The following PPP2R2D variants were observed in gnomAD, a reference collection of about 807,000 sequenced individuals.
PPP2R2D encodes protein phosphatase 2 regulatory subunit Bdelta.
In PPP2R2D, 9 loss-of-function variants were observed where a neutral mutation model predicts 31.1. That is an observed-to-expected ratio of 0.29 (90% CI 0.17 to 0.51). The LOEUF (loss-of-function observed/expected upper bound fraction) is 0.51. PPP2R2D is among the 20% of genes least tolerant of loss of function. PPP2R2D has a pLI of 0.98. For synonymous variants in PPP2R2D, 179 were observed against 172.6 expected, an observed-to-expected ratio of 1.04 and a Z score of -0.29; for missense variants, 391 against 465.6, an observed-to-expected ratio of 0.84 and a Z score of 1.48.
In PPP2R2D at chr10:131,901,033, C is replaced by T. The variant is rs1258511324; in HGVS notation, c.-116C>T. On this transcript the variant is annotated 5_prime_UTR_variant, in exon 1 of 9. Transcript: ENST00000455566. ...AAAAATCCCTCCCCGGCGGCGGCGGCGGCGGCGGCGGCGCCGGCGGTGGTG... is the reference window on the plus strand; with the variant it reads ...AAAAATCCCTCCCCGGCGGCGGCGGTGGCGGCGGCGGCGCCGGCGGTGGTG... 4.4e-5 allele frequency: 7 copies of T among 158,590 alleles called. No individual in the cohort carries two copies. Among genetic ancestry groups the T allele is most frequent in the African/African-American group, 7.3e-5 (3 of 40,928 alleles). 9.8% of individuals were successfully genotyped at this position (158,590 alleles called of 1,614,324 possible).
intron 8 of PPP2R2D, among the ~76,000 whole-genome samples, chr10:131,954,393 C>T (rs1482626444): frequency 3.3e-5 from 5 of 152,226 alleles, no homozygotes; most frequent in African/African-American, 7.2e-5. Flanking sequence ...CTTACCCTTT[C>T]GTAAACATTG....
chr10:131,924,285 CT>C (rs1208534612), intron 2 of PPP2R2D, among the ~76,000 whole-genome samples: 1 of 151,994 alleles, frequency 6.6e-6, no homozygotes, highest in Non-Finnish European at 1.5e-5. Flanking sequence ...ACATTTAGGT[CT>C]CTGATCCATG....
At chr10:131,968,215 C>T in the PPP2R2D span, 27 of 204,602 alleles carry the variant, frequency 1.3e-4, no homozygotes, top group African/African-American at 6.0e-4. Context: ...ATACAACACA[C>T]ATCATGACTA....
intron 2 of PPP2R2D, among the ~76,000 whole-genome samples, chr10:131,924,739 T>G (rs1457467556): frequency 5.3e-5 from 8 of 151,992 alleles, no homozygotes; most frequent in African/African-American, 1.9e-4. Context: ...GGTTAATACC[T>G]TGACTATTGT....
chr10:131,915,256 C>T (rs1200051238), intron 2 of PPP2R2D, among the ~76,000 whole-genome samples: 12 of 152,100 alleles, frequency 7.9e-5, no homozygotes, highest in Admixed American at 5.9e-4. Context: ...TCGTGCCTTA[C>T]GTGTACCAGT....
In PPP2R2D at chr10:131,947,562, T is replaced by C; in HGVS notation, c.853T>C (p.Ser285Pro). Residue 285 changes from serine to proline, a missense_variant, in exon 8 of 9, where the codon TCC (serine) becomes CCC (proline). Physicochemically the swap from Ser to Pro is moderately conservative, Grantham distance 74. This residue lies in a region of PPP2R2D where 123 missense variants were observed against 187.7 expected (regional missense o/e 0.66). Coordinates refer to ENST00000455566, the MANE Select transcript of PPP2R2D (RefSeq NM_018461.5). This position sits in a 1 kb window ranked among gnomAD's most constrained non-coding sequence, Gnocchi z 4.3. ...FEEPEDPSSR[S>P]FFSEIISSIS... ...AGAGCCTGAAGATCCCAGCAGTAGG[T>C]CCTTCTTCTCAGAAATAATTTCATC... The C allele has an allele frequency of 2.5e-6, 4 of 1,614,188 alleles. No homozygotes were observed. The highest frequency in any genetic ancestry group is 3.4e-6 in the Non-Finnish European group (4 of 1,180,022).
chr10:131,956,214 C>T lies in PPP2R2D; in HGVS notation c.*251C>T. On this transcript the variant is annotated 3_prime_UTR_variant, in exon 9 of 9. Transcript: ENST00000455566. ...TTGACGGACACTGCTCCCAAAAGGT[C>T]ATTACTCAGAATAAATGTATTTATT... The T allele has an allele frequency of 8.4e-7, 1 of 1,193,110 alleles. No individual in the cohort carries two copies. Among genetic ancestry groups the T allele is most frequent in the Non-Finnish European group, 1.0e-6 (1 of 963,798 alleles). The allele number at this position is 1,193,110 out of a possible 1,614,324, so 73.9% of individuals were successfully genotyped here.
chr10:131,954,707 G>A (rs781985825), intron 8 of PPP2R2D, among the ~76,000 whole-genome samples: 9 of 152,050 alleles, frequency 5.9e-5, no homozygotes, highest in Admixed American at 1.3e-4. Context: ...AGCAGCCAGG[G>A]TCAGTGCTGG....
At chr10:131,917,254 A>G (rs1156792520) in intron 2 of PPP2R2D, among the ~76,000 whole-genome samples, 2 of 138,612 alleles carry the variant, frequency 1.4e-5, no homozygotes, top group African/African-American at 5.5e-5. Flanking sequence ...CAGTGTTTGT[A>G]GGGACCTCAG....
Position 131,958,791 on chromosome 10 carries a change from A to C in PPP2R2D, c.*2828A>C, listed in dbSNP as rs538939828. The C allele has an allele frequency of 1.7e-5, 4 of 232,892 alleles. No individual in the cohort carries two copies. The highest frequency in any genetic ancestry group is 2.7e-5 in the African/African-American group (1 of 37,116). The allele number at this position is 232,892 out of a possible 1,614,324, so 14.4% of individuals were successfully genotyped here. ...CCTGTGGAGATGGAGGTGTGTGCTG[A>C]TCCCCCGTCCCCCTGTGGAGATGGA... On this transcript the variant is annotated 3_prime_UTR_variant, in exon 9 of 9. Transcript: ENST00000455566.
At position 131,958,518 on chromosome 10, in the gene PPP2R2D, G is replaced by A. The variant is rs11146342; in HGVS notation, c.*2555G>A. The stretch of plus-strand genomic sequence containing the variant: ...TGATCCCCCGTCCCCCTGTGGAGAT[G>A]AAGGTGTGTGCTGATCCCCCATCCC... On this transcript the variant is annotated 3_prime_UTR_variant, in exon 9 of 9. Transcript: ENST00000455566. 25,572 of 160,122 alleles carry A rather than the reference G, an allele frequency of 0.16. 467 individuals carry two copies. The highest frequency in any genetic ancestry group is 0.28 in the East Asian group (1,037 of 3,686). The allele number at this position is 160,122 out of a possible 1,614,324, so 9.9% of individuals were successfully genotyped here.
At position 131,958,450 on chromosome 10, in the gene PPP2R2D, G is replaced by T. The variant is rs1208487097; in HGVS notation, c.*2487G>T. On this transcript the variant is annotated 3_prime_UTR_variant, in exon 9 of 9. Transcript: ENST00000455566. Reference sequence around the variant, plus strand: ...CCCATCCCCCTGTGGGGATGAAGGTGTGTGCTGATCCCCCATCCCCCTGTG... The same window carrying T: ...CCCATCCCCCTGTGGGGATGAAGGTTTGTGCTGATCCCCCATCCCCCTGTG... 1 of 204,996 alleles carries T rather than the reference G, an allele frequency of 4.9e-6. No homozygotes were observed. The highest frequency in any genetic ancestry group is 2.5e-5 in the African/African-American group (1 of 39,222). The allele number at this position is 204,996 out of a possible 1,614,324, so 12.7% of individuals were successfully genotyped here.
intron 2 of PPP2R2D, among the ~76,000 whole-genome samples, chr10:131,928,702 C>A (rs1320698933): frequency 6.6e-6 from 1 of 152,192 alleles, no homozygotes; most frequent in Non-Finnish European, 1.5e-5. Context: ...CAGTGAAGAT[C>A]CAGAGAAGTA....
chr10:131,925,525 T>TTCCTG (rs1184212289), intron 2 of PPP2R2D, among the ~76,000 whole-genome samples: 1 of 152,240 alleles, frequency 6.6e-6, no homozygotes, highest in Non-Finnish European at 1.5e-5. Context: ...ATATTGTTTG[T>TTCCTG]TCCTGTAGCA....
intron 2 of PPP2R2D, among the ~76,000 whole-genome samples, chr10:131,933,395 A>G (rs1340579376): frequency 6.6e-6 from 1 of 152,144 alleles, no homozygotes; most frequent in East Asian, 1.9e-4. Context: ...ACTTCCTACT[A>G]TAAACGTACC....
chr10:131,918,604 CAG>C (rs1211138061), intron 2 of PPP2R2D, among the ~76,000 whole-genome samples: 3 of 147,342 alleles, frequency 2.0e-5, no homozygotes, highest in South Asian at 4.3e-4. Context: ...GGTGGAGTGA[CAG>C]TGTTTGTAGG....
At chr10:131,929,372 G>C (rs1345833608) in intron 2 of PPP2R2D, among the ~76,000 whole-genome samples, 1 of 152,204 alleles carries the variant, frequency 6.6e-6, no homozygotes, top group Non-Finnish European at 1.5e-5. Context: ...GTGAAGACGG[G>C]CTTTGTGTTG....
downstream of PPP2R2D, among the ~76,000 whole-genome samples, chr10:131,961,032 C>T (rs563389699): frequency 4.8e-4 from 73 of 152,234 alleles, 1 homozygote; most frequent in South Asian, 0.013. Context: ...GGGAGAGGGA[C>T]GGAAGCTGTC....
At chr10:131,910,579 C>G (rs2035666388) in intron 2 of PPP2R2D, among the ~76,000 whole-genome samples, 1 of 152,116 alleles carries the variant, frequency 6.6e-6, no homozygotes, top group South Asian at 2.1e-4. Flanking sequence ...GTCAGTTGTT[C>G]TTTCAAATAA....
Sources: gnomAD v4.1 joint callset for allele counts (sites outside exome capture counted in the v4.1 genomes callset) on GRCh38, gnomAD v4.1.1 for gene constraint, gnomAD v4.1.1 regional missense constraint, Gnocchi (gnomAD v3.1) non-coding constraint, MANE v1.5 for transcripts, NCBI Gene and HGNC (gene_info 2026-07-23, HGNC 2026-07-21) for gene names.